SMG6: variants seen among roughly 807,000 people sequenced by gnomAD.
The protein encoded by SMG6 is SMG6 nonsense mediated mRNA decay factor.
SMG6 carries 66 observed loss-of-function variants against 142.2 expected under a neutral mutation model. That is an observed-to-expected ratio of 0.46 (90% CI 0.38 to 0.57). The LOEUF is 0.57. SMG6 is among the 20% of genes least tolerant of loss of function. SMG6 has a pLI of 0.00. For synonymous variants in SMG6, 779 were observed against 702.4 expected, an observed-to-expected ratio of 1.11 and a Z score of -1.72; for missense variants, 1,793 against 1,832.0, an observed-to-expected ratio of 0.98 and a Z score of 0.39.
At position 2,098,318 on chromosome 17, in the gene SMG6, T is replaced by C. The variant is rs117952532; in HGVS notation, c.3358-12417A>G. Among the ~76,000 whole-genome samples the C allele has an allele frequency of 3.2e-4, 49 of 152,262 alleles. No homozygotes were observed. In the East Asian group the frequency reaches 8.3e-3, roughly 26 times the overall value. On this transcript the variant is annotated intron_variant, in intron 13 of 18. Coordinates refer to ENST00000263073, the MANE Select transcript of SMG6 (RefSeq NM_017575.5). ...AGCTTCTAATCAACAAATCCCCAAATTGTTTTCACATATGTTGCTAAATCC... is the reference window on the plus strand; with the variant it reads ...AGCTTCTAATCAACAAATCCCCAAACTGTTTTCACATATGTTGCTAAATCC...
At chr17:2,218,916 T>C (rs1471871474) in intron 10 of SMG6, among the ~76,000 whole-genome samples, 1 of 152,198 alleles carries the variant, frequency 6.6e-6, no homozygotes, top group Non-Finnish European at 1.5e-5. Context: ...AGTTTTTATG[T>C]TGTGGGAGAC....
At chr17:2,123,545 C>T (rs2069770841) in intron 13 of SMG6, among the ~76,000 whole-genome samples, 1 of 152,182 alleles carries the variant, frequency 6.6e-6, no homozygotes, top group Non-Finnish European at 1.5e-5. Context: ...ATGGTTATTC[C>T]TCCCACCTAT....
rs2075234682 is a variant in SMG6 at position 2,299,866 on chromosome 17, A to C, written c.887T>G (p.Val296Gly). 1 of 1,613,930 alleles carries C rather than the reference A, an allele frequency of 6.2e-7. No homozygotes were observed. The highest frequency in any genetic ancestry group is 8.5e-7 in the Non-Finnish European group (1 of 1,179,956). ...TAAGGAATCGGTTGAGGACACAGAC[A>C]CTTGCTTCTTCAGTCGTGGCCTCTC... is the stretch of plus-strand genomic sequence containing the variant. ...TKERPRLKKQVSVSSTDSLDE... is the reference protein window; with the variant it reads ...TKERPRLKKQGSVSSTDSLDE... The change falls in exon 2 of 19, where the codon GTG becomes GGG. Residue 296 changes from valine to glycine, a missense_variant. By Grantham distance (109) the Val-to-Gly change is moderately radical (BLOSUM62 -3). This residue lies in a region of SMG6 where 1,597 missense variants were observed against 1,584.6 expected (regional missense o/e 1.01). Coordinates refer to ENST00000263073, the MANE Select transcript of SMG6 (RefSeq NM_017575.5). This position sits in a 1 kb window ranked among gnomAD's most constrained non-coding sequence, Gnocchi z 4.3.
intron 8 of SMG6, among the ~76,000 whole-genome samples, chr17:2,257,999 A>C (rs2074223065): frequency 2.4e-5 from 3 of 125,102 alleles, no homozygotes; most frequent in Non-Finnish European, 3.2e-5. Flanking sequence ...ACAAAGCGAG[A>C]CTCTGTCGCA....
chr17:2,271,095 T>C lies in SMG6; in HGVS notation c.2661+11552A>G, dbSNP rs555859363. Among the ~76,000 whole-genome samples the C allele has an allele frequency of 6.0e-5, 9 of 150,860 alleles. No individual in the cohort carries two copies. In the South Asian group the frequency reaches 1.9e-3, roughly 32 times the overall value. On this transcript the variant is annotated intron_variant, in intron 8 of 18. Coordinates refer to ENST00000263073, the MANE Select transcript of SMG6 (RefSeq NM_017575.5). ...AGGAGGATTGCTTGAGTCCAGGAAATTGTTCTTCTGTTTTTTTCTGGTTTT... is the reference window on the plus strand; with the variant it reads ...AGGAGGATTGCTTGAGTCCAGGAAACTGTTCTTCTGTTTTTTTCTGGTTTT...
intron 13 of SMG6, among the ~76,000 whole-genome samples, chr17:2,137,665 C>T (rs1478329797): frequency 6.6e-6 from 1 of 151,976 alleles, no homozygotes; most frequent in Non-Finnish European, 1.5e-5. Context: ...TGGAGAATGA[C>T]CCCAGCAAGC....
At chr17:2,079,599 G>C (rs980696589) in intron 15 of SMG6, among the ~76,000 whole-genome samples, 1 of 150,692 alleles carries the variant, frequency 6.6e-6, no homozygotes, top group Non-Finnish European at 1.5e-5. Flanking sequence ...TCACGACAGC[G>C]AGACTCCATC....
At chr17:2,253,607 T>A (rs1246911437) in intron 8 of SMG6, among the ~76,000 whole-genome samples, 2 of 152,130 alleles carry the variant, frequency 1.3e-5, no homozygotes, top group East Asian at 3.8e-4. Flanking sequence ...GAGTATGGTT[T>A]AAAAGACCCC....
At chr17:2,061,706 C>G in intron 18 of SMG6, 84 bp from the exon 19 acceptor site, 1 of 1,463,778 alleles carries the variant, frequency 6.8e-7, no homozygotes, top group South Asian at 1.2e-5. Context: ...AGAATGTGGT[C>G]CTGGGGAGGG....
chr17:2,172,765 C>G lies in SMG6; in HGVS notation c.3250G>C (p.Asp1084His), dbSNP rs771342156. The G allele has an allele frequency of 1.9e-6, 3 of 1,614,042 alleles. No individual in the cohort carries two copies. The highest frequency in any genetic ancestry group is 2.7e-5 in the African/African-American group (2 of 74,912). ...TCCAGGATAAGAAGGGTGAGGTCATCATCCGGGTCCTTGTACAGTGGCACC... is the reference window on the plus strand; with the variant it reads ...TCCAGGATAAGAAGGGTGAGGTCATGATCCGGGTCCTTGTACAGTGGCACC... ...SEVPLYKDPD[D>H]DLTLLILEED... Residue 1084 changes from aspartate (D) to histidine (H), a missense_variant, in exon 13 of 19, where the codon GAT becomes CAT. Coordinates refer to ENST00000263073, the MANE Select transcript of SMG6 (RefSeq NM_017575.5).
chr17:2,243,259 A>AAT (rs1248425904), intron 9 of SMG6, among the ~76,000 whole-genome samples: 1 of 152,250 alleles, frequency 6.6e-6, no homozygotes, highest in Non-Finnish European at 1.5e-5. Context: ...ATGAATATGT[A>AAT]ATAAGCACAC....
intron 10 of SMG6, among the ~76,000 whole-genome samples, chr17:2,195,985 G>A (rs768884285): frequency 6.6e-6 from 1 of 152,178 alleles, no homozygotes; most frequent in African/African-American, 2.4e-5. Context: ...TGCACAAAGA[G>A]CTCAGAGATG....
Position 2,159,851 on chromosome 17 carries a change from T to A in SMG6, c.3357+12807A>T, listed in dbSNP as rs577508342. Among the ~76,000 whole-genome samples the A allele has an allele frequency of 2.0e-5, 3 of 152,246 alleles. No homozygotes were observed. In the East Asian group the frequency reaches 5.8e-4, roughly 29 times the overall value. ...ACTCATCAATAAACGACTGAAAAAA[T>A]ATAATGCCCAATATGGATGAATCTC... On this transcript the variant is annotated intron_variant, in intron 13 of 18. Coordinates refer to ENST00000263073, the MANE Select transcript of SMG6 (RefSeq NM_017575.5).
intron 1 of SMG6, chr17:2,302,903 C>A (rs1224947797): frequency 1.1e-6 from 1 of 943,590 alleles, no homozygotes; most frequent in Non-Finnish European, 1.3e-6. Context: ...TCAACAAAAA[C>A]CAATTTCACA....
intron 8 of SMG6, among the ~76,000 whole-genome samples, chr17:2,275,153 G>C (rs1024177207): frequency 6.6e-6 from 1 of 152,186 alleles, no homozygotes; most frequent in Non-Finnish European, 1.5e-5. Context: ...CGGGCATGGT[G>C]GCTGACGCCT....
intron 8 of SMG6, among the ~76,000 whole-genome samples, chr17:2,253,320 C>A (rs2074091398): frequency 6.6e-6 from 1 of 151,740 alleles, no homozygotes; most frequent in South Asian, 2.1e-4. Flanking sequence ...TTTTTGTATT[C>A]TTTTAGTAGA....
At chr17:2,192,550 C>T (rs1216726845) in intron 10 of SMG6, among the ~76,000 whole-genome samples, 1 of 152,200 alleles carries the variant, frequency 6.6e-6, no homozygotes, top group Non-Finnish European at 1.5e-5. Flanking sequence ...GGCAAGACCA[C>T]TTATTCACCA....
chr17:2,109,115 C>T (rs2069237152), intron 13 of SMG6, among the ~76,000 whole-genome samples: 1 of 152,162 alleles, frequency 6.6e-6, no homozygotes, highest in South Asian at 2.1e-4. Context: ...CTATCTAGAA[C>T]AGGAAGATGT....
intron 13 of SMG6, among the ~76,000 whole-genome samples, chr17:2,138,135 T>G (rs9896902): frequency 0.038 from 5,801 of 151,580 alleles, 316 homozygotes; most frequent in African/African-American, 0.12. Context: ...GAAATACAGT[T>G]ATTTAGTAGG....
Sources: gnomAD v4.1 joint callset for allele counts (sites outside exome capture counted in the v4.1 genomes callset) on GRCh38, gnomAD v4.1.1 for gene constraint, gnomAD v4.1.1 regional missense constraint, Gnocchi (gnomAD v3.1) non-coding constraint, MANE v1.5 for transcripts, NCBI Gene and HGNC (gene_info 2026-07-23, HGNC 2026-07-21) for gene names.